Variants in DCPH1 observed in about 807,000 individuals in gnomAD.
DCPH1 encodes the protein damage control phosphatase 1, also known as damage-control phosphatase 1.
At chr6:151,468,279 A>T in the DCPH1 span, 2 of 1,119,528 alleles carry the variant, frequency 1.8e-6, no homozygotes, top group Non-Finnish European at 2.5e-6. Context: ...CCATCCCGCT[A>T]CATAATGGAG....
chr6:151,462,938 G>A, the DCPH1 span, among the ~76,000 whole-genome samples: 1 of 152,066 alleles, frequency 6.6e-6, no homozygotes, highest in Non-Finnish European at 1.5e-5. Context: ...TAGGCATAGG[G>A]GCCATGTGGT....
the DCPH1 span, chr6:151,452,571 C>T: frequency 6.2e-7 from 1 of 1,611,610 alleles, no homozygotes; most frequent in Non-Finnish European, 8.5e-7. Flanking sequence ...GCGTCTCTCT[C>T]AGGACAGGAC....
At chr6:151,459,504 T>C in the DCPH1 span, among the ~76,000 whole-genome samples, 1 of 152,146 alleles carries the variant, frequency 6.6e-6, no homozygotes, top group Admixed American at 6.5e-5. Flanking sequence ...AGAGAACTAG[T>C]TTTTAGACCA....
At chr6:151,462,914 G>T in the DCPH1 span, among the ~76,000 whole-genome samples, 13,149 of 152,182 alleles carry the variant, frequency 0.086, 788 homozygotes, top group East Asian at 0.16. Flanking sequence ...TAAAGGGCCA[G>T]GTAGTAAATC....
At chr6:151,456,986 A>G in the DCPH1 span, among the ~76,000 whole-genome samples, 1 of 152,336 alleles carries the variant, frequency 6.6e-6, no homozygotes, top group African/African-American at 2.4e-5. Context: ...TACTGAGCAC[A>G]GAACAAGATG....
At chr6:151,467,548 A>G in the DCPH1 span, among the ~76,000 whole-genome samples, 196 of 152,318 alleles carry the variant, frequency 1.3e-3, 1 homozygote, top group African/African-American at 4.3e-3. Flanking sequence ...AATTCTCACA[A>G]TAATTCTGTG....
At chr6:151,452,784 G>A in the DCPH1 span, 3 of 554,302 alleles carry the variant, frequency 5.4e-6, no homozygotes, top group South Asian at 2.3e-5. Flanking sequence ...GAGGGAGCCT[G>A]CCCGCGGCGG....
chr6:151,466,479 T>A, the DCPH1 span, among the ~76,000 whole-genome samples: 5 of 152,158 alleles, frequency 3.3e-5, no homozygotes. Flanking sequence ...TGCTCCCAAG[T>A]GAAGGGGGCC....
chr6:151,468,781 CAT>C, the DCPH1 span: 86 of 1,613,942 alleles, frequency 5.3e-5, no homozygotes, highest in Non-Finnish European at 7.0e-5. Context: ...TTACCACAAT[CAT>C]ATATTTTGGA....
At chr6:151,457,587 ATTGTAC>A in the DCPH1 span, among the ~76,000 whole-genome samples, 1 of 152,182 alleles carries the variant, frequency 6.6e-6, no homozygotes, top group Non-Finnish European at 1.5e-5. Context: ...AGCAAAATAA[ATTGTAC>A]TTGGAACAAA....
chr6:151,453,194 C>T, the DCPH1 span, among the ~76,000 whole-genome samples: 1 of 152,096 alleles, frequency 6.6e-6, no homozygotes, highest in Non-Finnish European at 1.5e-5. Context: ...CGCCAATGGC[C>T]CCAAATTGAG....
At chr6:151,453,811 TGGG>T in the DCPH1 span, among the ~76,000 whole-genome samples, 2 of 152,234 alleles carry the variant, frequency 1.3e-5, no homozygotes, top group Non-Finnish European at 2.9e-5. Flanking sequence ...CTGTAAATCT[TGGG>T]TTTTGTATGA....
the DCPH1 span, among the ~76,000 whole-genome samples, chr6:151,461,183 A>C: frequency 1.3e-5 from 2 of 152,182 alleles, no homozygotes; most frequent in Admixed American, 6.5e-5. Context: ...AAAGCTGCCA[A>C]AGTGTTGAAA....
At chr6:151,465,149 G>A in the DCPH1 span, among the ~76,000 whole-genome samples, 3 of 152,062 alleles carry the variant, frequency 2.0e-5, no homozygotes, top group Non-Finnish European at 2.9e-5. Flanking sequence ...GATAATACTC[G>A]GGTATTCAGT....
At chr6:151,459,008 G>A in the DCPH1 span, among the ~76,000 whole-genome samples, 12 of 152,018 alleles carry the variant, frequency 7.9e-5, no homozygotes, top group Admixed American at 1.3e-4. Context: ...ATGGTGGCAC[G>A]GGCCTGTAAT....
the DCPH1 span, among the ~76,000 whole-genome samples, chr6:151,457,615 A>G: frequency 2.6e-5 from 4 of 152,332 alleles, no homozygotes; most frequent in African/African-American, 9.6e-5. Context: ...GAAAGATTGG[A>G]GAGATGTTTA....
chr6:151,469,778 T>C, the DCPH1 span: 1 of 152,584 alleles, frequency 6.6e-6, no homozygotes, highest in Non-Finnish European at 1.5e-5. Flanking sequence ...AAATGGTATT[T>C]GAAGAAATGT....
At chr6:151,458,355 ATCTC>A in the DCPH1 span, 7 of 1,613,146 alleles carry the variant, frequency 4.3e-6, no homozygotes, top group Admixed American at 3.3e-5. Context: ...AAAGAAAGCT[ATCTC>A]TCTCCTTTCT....
At chr6:151,454,969 T>C in the DCPH1 span, among the ~76,000 whole-genome samples, 2 of 152,204 alleles carry the variant, frequency 1.3e-5, no homozygotes, top group South Asian at 2.1e-4. Flanking sequence ...ATTGAGTTGC[T>C]TAGAAGAGCT....
Sources: allele counts gnomAD v4.1 joint callset (sites outside exome capture counted in the v4.1 genomes callset), GRCh38; gene constraint gnomAD v4.1.1; transcripts MANE v1.5; gene names NCBI Gene and HGNC (gene_info 2026-07-23, HGNC 2026-07-21).